Variants in AFAP1 observed in about 807,000 individuals in gnomAD.
AFAP1 encodes the protein actin filament-associated protein 1.
Under a neutral mutation model 93.9 loss-of-function variants are expected in AFAP1, and 75 were observed. The observed-to-expected ratio is 0.80, with a 90% CI of 0.66 to 0.97. The LOEUF (loss-of-function observed/expected upper bound fraction) is 0.97. Among genes scored for constraint, AFAP1 ranks in the 50% least tolerant of loss-of-function variants. AFAP1 has a pLI of 0.00. For missense variants in AFAP1, 1,201 were observed against 1,050.8 expected (o/e 1.14, Z -1.98); for synonymous variants, 517 against 430.7 (o/e 1.20, Z -2.48).
chr4:7,841,029 C>G (rs1195923602), intron 5 of AFAP1, among the ~76,000 whole-genome samples: 2 of 152,208 alleles, frequency 1.3e-5, no homozygotes, highest in Non-Finnish European at 1.5e-5. Context: ...AAGTTAAATG[C>G]CTCACGAGAG....
At chr4:7,885,353 T>C (rs992312658) in intron 1 of AFAP1, among the ~76,000 whole-genome samples, 6 of 152,210 alleles carry the variant, frequency 3.9e-5, no homozygotes, top group Admixed American at 3.9e-4. Flanking sequence ...TGCTTAACCC[T>C]GTGTGTCCCT....
At position 7,838,622 on chromosome 4, in the gene AFAP1, T is replaced by C. The variant is rs919981549; in HGVS notation, c.628A>G (p.Ser210Gly). The change falls in exon 6 of 18, where the codon AGC (serine) becomes GGC (glycine). Residue 210 changes from serine (S) to glycine (G), a missense_variant. Physicochemically the swap from Ser to Gly is moderately conservative, Grantham distance 56. Coordinates refer to ENST00000420658, the MANE Select transcript of AFAP1 (RefSeq NM_001134647.2). Reference protein sequence around the residue: ...GCNITYIPKDSKKKKHELKIT... With the variant: ...GCNITYIPKDGKKKKHELKIT... ...TTCAGCTCGTGCTTCTTCTTTTTGC[T>C]GTCTTTCGGGATGTACGTAATGTTA... 2 of 1,614,168 alleles carry C rather than the reference T, an allele frequency of 1.2e-6. No homozygotes were observed. The highest frequency in any genetic ancestry group is 3.3e-5 in the Admixed American group (2 of 60,016).
intron 13 of AFAP1, among the ~76,000 whole-genome samples, chr4:7,779,355 C>T (rs553595889): frequency 4.6e-5 from 7 of 152,326 alleles, no homozygotes; most frequent in African/African-American, 1.7e-4. Flanking sequence ...GCCTTCTTAT[C>T]GCCGACGGAG....
intron 6 of AFAP1, among the ~76,000 whole-genome samples, chr4:7,827,547 A>G (rs1721532423): frequency 7.5e-6 from 1 of 132,474 alleles, no homozygotes; most frequent in African/African-American, 2.8e-5. Context: ...CTCCAGCATG[A>G]ACAAGAGTGA....
At position 7,774,706 on chromosome 4, in the gene AFAP1, T is replaced by C. The variant is rs368923956; in HGVS notation, c.2062+33A>G. 1.8e-4 allele frequency: 296 copies of C among 1,607,264 alleles called. 1 individual carries two copies. Among genetic ancestry groups the C allele is most frequent in the Non-Finnish European group, 1.4e-4 (160 of 1,177,060 alleles). On this transcript the variant is annotated intron_variant, in intron 15 of 17. Transcript: ENST00000420658. ...AAATCTCCAGTCTCTAATACAAACA[T>C]GCACCCTGGGCAGTCACCCACACCC... is the stretch of plus-strand genomic sequence containing the variant.
At chr4:7,920,485 T>A (rs1445734818) in intron 1 of AFAP1, among the ~76,000 whole-genome samples, 1 of 152,222 alleles carries the variant, frequency 6.6e-6, no homozygotes, top group Non-Finnish European at 1.5e-5. Context: ...AGTGGCCTTA[T>A]GGGCAGTTTT....
chr4:7,933,650 C>T (rs1003916830), intron 1 of AFAP1, among the ~76,000 whole-genome samples: 2 of 152,220 alleles, frequency 1.3e-5, no homozygotes, highest in Non-Finnish European at 2.9e-5. Context: ...ATTGGAGGGC[C>T]TGACCAGGTC....
At chr4:7,780,629 T>C (rs920328338) in intron 13 of AFAP1, among the ~76,000 whole-genome samples, 2 of 150,840 alleles carry the variant, frequency 1.3e-5, no homozygotes, top group African/African-American at 4.9e-5. Context: ...CTGGGCAACA[T>C]AGTGAGACTT....
intron 6 of AFAP1, among the ~76,000 whole-genome samples, chr4:7,829,050 C>T (rs1340126796): frequency 6.6e-6 from 1 of 152,196 alleles, no homozygotes; most frequent in African/African-American, 2.4e-5. Context: ...GGGCTTTCCC[C>T]TCTTTTGCTC....
At chr4:7,933,042 G>GA (rs1202424902) in intron 1 of AFAP1, among the ~76,000 whole-genome samples, 1 of 140,734 alleles carries the variant, frequency 7.1e-6, no homozygotes, top group Non-Finnish European at 1.5e-5. Context: ...AAAAAAAAAG[G>GA]GGGGGGATCT....
chr4:7,889,693 T>G (rs75972227), intron 1 of AFAP1, among the ~76,000 whole-genome samples: 44,121 of 119,274 alleles, frequency 0.37, 8,157 homozygotes, highest in Non-Finnish European at 0.52. Context: ...ATGAAGCGTT[T>G]TTTTTTTTTT....
chr4:7,887,585 C>T (rs1440308805), intron 1 of AFAP1, among the ~76,000 whole-genome samples: 1 of 152,054 alleles, frequency 6.6e-6, no homozygotes, highest in African/African-American at 2.4e-5. Flanking sequence ...ATGATGTAAC[C>T]ATTTGGAATG....
In AFAP1 at chr4:7,871,982, T is replaced by C. The variant is rs1488947836; in HGVS notation, c.97A>G (p.Asn33Asp). ...TVREKKAVITNILLRIQSSKG... is the reference protein window; with the variant it reads ...TVREKKAVITDILLRIQSSKG... The stretch of plus-strand genomic sequence containing the variant: ...GATGACTGTATTCTTAGCAGAATGT[T>C]GGTTATCACTGCCTTTTTCTCCCTG... Residue 33 changes from asparagine (N) to aspartate (D), a missense_variant, in exon 2 of 18, where the codon AAC (asparagine) becomes GAC (aspartate). Asn to Asp is a conservative substitution (Grantham distance 23). Transcript: ENST00000420658. 1.2e-6 allele frequency: 2 copies of C among 1,614,238 alleles called. No homozygotes were observed. The highest frequency in any genetic ancestry group is 1.7e-6 in the Non-Finnish European group (2 of 1,180,040).
Position 7,774,750 on chromosome 4 carries a change from T to A in AFAP1, c.2051A>T (p.Glu684Val). The A allele has an allele frequency of 6.2e-7, 1 of 1,614,172 alleles. No homozygotes were observed. The highest frequency in any genetic ancestry group is 1.3e-5 in the African/African-American group (1 of 75,048). ...KERKDLRAAI[E>V]VNAGRKPQAI... ...CACACCCTTCATACCGGCGTTCACT[T>A]CAATAGCCGCTCGAAGGTCTTTTCT... Residue 684 changes from glutamate to valine, a missense_variant, in exon 15 of 18, where the codon GAA becomes GTA. Transcript: ENST00000420658.
chr4:7,886,901 G>A (rs1718169247), intron 1 of AFAP1, among the ~76,000 whole-genome samples: 1 of 152,136 alleles, frequency 6.6e-6, no homozygotes, highest in East Asian at 1.9e-4. Context: ...ATTTAGTTCA[G>A]TAACAAGTTA....
intron 1 of AFAP1, among the ~76,000 whole-genome samples, chr4:7,874,023 T>C (rs915609389): frequency 2.6e-5 from 4 of 152,244 alleles, no homozygotes; most frequent in Non-Finnish European, 5.9e-5. Flanking sequence ...TGGAGGCTTT[T>C]CTACTGAGAT....
At chr4:7,787,606 A>G (rs901724329) in intron 11 of AFAP1, among the ~76,000 whole-genome samples, 5 of 152,138 alleles carry the variant, frequency 3.3e-5, no homozygotes, top group African/African-American at 1.2e-4. Context: ...ACAGAAACCT[A>G]GAGAATTGCT....
intron 12 of AFAP1, among the ~76,000 whole-genome samples, chr4:7,783,180 C>T (rs1716941122): frequency 6.6e-6 from 1 of 152,040 alleles, no homozygotes; most frequent in African/African-American, 2.4e-5. Flanking sequence ...TGCTCTGTTG[C>T]CCAGGCTGCA....
intron 3 of AFAP1, among the ~76,000 whole-genome samples, chr4:7,856,815 C>T (rs1715127565): frequency 6.6e-6 from 1 of 152,190 alleles, no homozygotes; most frequent in Non-Finnish European, 1.5e-5. Flanking sequence ...GCAGGAAAGC[C>T]AGCATTCGCC....
Sources: allele counts gnomAD v4.1 joint callset (sites outside exome capture counted in the v4.1 genomes callset), GRCh38; gene constraint gnomAD v4.1.1; transcripts MANE v1.5; gene names NCBI Gene and HGNC (gene_info 2026-07-23, HGNC 2026-07-21).